Variants in GPD2 observed in about 807,000 individuals in gnomAD.
GPD2 encodes the protein glycerol-3-phosphate dehydrogenase 2.
Under a neutral mutation model 82.4 loss-of-function variants are expected in GPD2, and 54 were observed. That is an observed-to-expected ratio of 0.66 (90% CI 0.53 to 0.82). The LOEUF (loss-of-function observed/expected upper bound fraction) is 0.82, where lower values mean the gene tolerates loss of function less well. Among genes scored for constraint, GPD2 ranks in the 40% least tolerant of loss-of-function variants. The pLI is 0.00. For synonymous variants in GPD2, 288 were observed against 306.1 expected, an observed-to-expected ratio of 0.94 and a Z score of 0.62; for missense variants, 748 against 896.2, an observed-to-expected ratio of 0.83 and a Z score of 2.11.
At chr2:156,546,313 G>A (rs888212815) in intron 6 of GPD2, among the ~76,000 whole-genome samples, 9 of 152,140 alleles carry the variant, frequency 5.9e-5, no homozygotes, top group Middle Eastern at 3.2e-3. Context: ...GGGGGTTTGG[G>A]ATTATTGTAT....
intron 2 of GPD2, chr2:156,495,469 T>G (rs1344186473): frequency 2.1e-5 from 5 of 237,122 alleles, no homozygotes; most frequent in Admixed American, 5.4e-5. Context: ...AAAAATATAA[T>G]TCTCATTAAA....
At chr2:156,436,346 C>G (rs909009811), upstream of GPD2, 31 of 152,612 alleles carry the variant, frequency 2.0e-4, no homozygotes, top group African/African-American at 7.0e-4. Context: ...GCGGCCCGCC[C>G]GGCGCTCGAG....
intron 6 of GPD2, among the ~76,000 whole-genome samples, chr2:156,523,573 A>G (rs976984620): frequency 4.6e-5 from 7 of 152,116 alleles, no homozygotes; most frequent in African/African-American, 1.7e-4. Flanking sequence ...CCACTATAAC[A>G]AATGTTTTAT....
intron 6 of GPD2, among the ~76,000 whole-genome samples, chr2:156,545,666 G>A (rs1348198798): frequency 6.6e-6 from 1 of 152,192 alleles, no homozygotes; most frequent in Admixed American, 6.5e-5. Context: ...CTTATATGTA[G>A]ACTGACATAA....
In GPD2 at chr2:156,551,611, G is replaced by A. The variant is rs75305768; in HGVS notation, c.971+865G>A. Among the ~76,000 whole-genome samples, 1,132 of 152,208 alleles carry A rather than the reference G, an allele frequency of 7.4e-3. 12 individuals are homozygous for A. The highest frequency in any genetic ancestry group is 0.024 in the Middle Eastern group (7 of 294). ...AGTATTCATTATGGCATTGTTTGTA[G>A]TTGAGAAATATTAGAAGCTACTTCA... On this transcript the variant is annotated intron_variant, in intron 8 of 16. Transcript: ENST00000438166.
the GPD2 span, among the ~76,000 whole-genome samples, chr2:156,426,251 G>A: frequency 6.6e-6 from 1 of 152,226 alleles, no homozygotes; most frequent in Non-Finnish European, 1.5e-5. Flanking sequence ...AAGGAAAGAG[G>A]TTTAATTGAC....
chr2:156,463,447 T>A (rs1305879934), intron 1 of GPD2, among the ~76,000 whole-genome samples: 1 of 152,220 alleles, frequency 6.6e-6, no homozygotes, highest in African/African-American at 2.4e-5. Context: ...CAGTGCTAAA[T>A]AAATAGGACA....
At chr2:156,453,736 G>T (rs994785744) in intron 1 of GPD2, among the ~76,000 whole-genome samples, 1 of 152,290 alleles carries the variant, frequency 6.6e-6, no homozygotes, top group East Asian at 1.9e-4. Context: ...AATTAGCTGG[G>T]CATGGTGGCA....
chr2:156,466,569 G>A (rs1558912506), intron 1 of GPD2, among the ~76,000 whole-genome samples: 2 of 152,134 alleles, frequency 1.3e-5, no homozygotes, highest in East Asian at 1.9e-4. Flanking sequence ...AAAAAATCGG[G>A]TCTTAAATAA....
At chr2:156,409,541 T>TA in the GPD2 span, among the ~76,000 whole-genome samples, 6 of 150,022 alleles carry the variant, frequency 4.0e-5, no homozygotes, top group Admixed American at 1.3e-4. Context: ...CCACAAAAAA[T>TA]AAAAAAAAAT....
rs1488706790 is a variant in GPD2, at chr2:156,529,662, G to T, written c.661+16166G>T. 4.6e-5 allele frequency among the ~76,000 whole-genome samples: 7 copies of T among 151,446 alleles called. No homozygotes were observed. In the East Asian group the frequency reaches 1.4e-3, roughly 29 times the overall value. On this transcript the variant is annotated intron_variant, in intron 6 of 16. Transcript: ENST00000438166. ...AGTTTCAGCTTTCTACATATGGCTA[G>T]CCAGTTTTCCCAGCACCATTTATTA... is the stretch of plus-strand genomic sequence containing the variant.
At chr2:156,482,374 GTTTC>G (rs1683764105) in intron 2 of GPD2, among the ~76,000 whole-genome samples, 2 of 151,838 alleles carry the variant, frequency 1.3e-5, no homozygotes, top group African/African-American at 4.8e-5. Flanking sequence ...ATTTCCCACT[GTTTC>G]TTTCTTTTTT....
intron 1 of GPD2, among the ~76,000 whole-genome samples, chr2:156,457,057 A>G (rs1682812107): frequency 6.6e-6 from 1 of 152,138 alleles, no homozygotes; most frequent in South Asian, 2.1e-4. Flanking sequence ...CTTGAGAAAT[A>G]GCTTGATTTC....
intron 2 of GPD2, among the ~76,000 whole-genome samples, chr2:156,492,276 C>T (rs1432974690): frequency 6.8e-6 from 1 of 147,358 alleles, no homozygotes. Flanking sequence ...ATCTCAGCCT[C>T]CTGAGTAGCT....
chr2:156,438,085 A>G (rs1682014934), intron 1 of GPD2, among the ~76,000 whole-genome samples: 1 of 152,146 alleles, frequency 6.6e-6, no homozygotes, highest in African/African-American at 2.4e-5. Context: ...TACACCCTCA[A>G]TAAATGTTTT....
Position 156,513,503 on chromosome 2 carries a change from G to T in GPD2, c.661+7G>T, listed in dbSNP as rs113804898. ...GCAATTGTCTACTATGACGGTATGTGATGTTTTTTTTTTTTTTCCTCACAA... is the reference window on the plus strand; with the variant it reads ...GCAATTGTCTACTATGACGGTATGTTATGTTTTTTTTTTTTTTCCTCACAA... On this transcript the variant is annotated splice_region_variant and intron_variant, in intron 6 of 16. Coordinates refer to ENST00000438166, the MANE Select transcript of GPD2 (RefSeq NM_000408.5). 2.8e-5 allele frequency: 44 copies of T among 1,583,526 alleles called. No individual in the cohort carries two copies. The East Asian group carries it at 3.1e-4, about 11-fold the overall frequency.
At chr2:156,417,957 C>T in the GPD2 span, among the ~76,000 whole-genome samples, 3 of 152,154 alleles carry the variant, frequency 2.0e-5, no homozygotes, top group African/African-American at 4.8e-5. Context: ...TGGCTCACGC[C>T]TCTAATCTGA....
At chr2:156,519,283 G>T (rs887763947) in intron 6 of GPD2, among the ~76,000 whole-genome samples, 1 of 152,026 alleles carries the variant, frequency 6.6e-6, no homozygotes, top group Non-Finnish European at 1.5e-5. Context: ...TTTCAAGATA[G>T]ATGTGTTTAG....
chr2:156,559,693 G>A (rs1687097968), intron 9 of GPD2, among the ~76,000 whole-genome samples: 1 of 151,936 alleles, frequency 6.6e-6, no homozygotes, highest in African/African-American at 2.4e-5. Flanking sequence ...AGTCTCTTTG[G>A]ATATCTACAA....
Sources: gnomAD v4.1 joint callset for allele counts (sites outside exome capture counted in the v4.1 genomes callset) on GRCh38, gnomAD v4.1.1 for gene constraint, MANE v1.5 for transcripts, NCBI Gene and HGNC (gene_info 2026-07-23, HGNC 2026-07-21) for gene names.